Variants in OPHN1 observed in about 807,000 individuals in gnomAD.
The protein encoded by OPHN1 is oligophrenin-1.
OPHN1 carries 11 observed loss-of-function variants against 60.7 expected under a neutral mutation model. That is an observed-to-expected ratio of 0.18 (90% CI 0.11 to 0.30). The LOEUF (loss-of-function observed/expected upper bound fraction) is 0.30, where lower values mean the gene tolerates loss of function less well. Ranked by LOEUF, OPHN1 falls within the 10% of genes least tolerant of loss-of-function variation. OPHN1 has a pLI of 1.00. For missense variants in OPHN1, 449 were observed against 611.0 expected (o/e 0.73, Z 2.80); for synonymous variants, 226 against 222.6 (o/e 1.02, Z -0.14).
At chrX:68,332,109 T>C (rs2078298326) in intron 2 of OPHN1, among the ~76,000 whole-genome samples, 1 of 111,951 alleles carries the variant, frequency 8.9e-6, no homozygotes, top group Admixed American at 9.6e-5. Flanking sequence ...AGAATGTTTA[T>C]CTTGAGGACA....
At chrX:68,072,399 A>G (rs1205041081) in intron 20 of OPHN1, among the ~76,000 whole-genome samples, 1 of 112,122 alleles carries the variant, frequency 8.9e-6, no homozygotes, top group Admixed American at 9.4e-5. Context: ...GGACCTTCTA[A>G]CATGTAAAGT....
intron 2 of OPHN1, among the ~76,000 whole-genome samples, chrX:68,363,310 T>A (rs182850120): frequency 1.8e-4 from 20 of 111,003 alleles, no homozygotes; most frequent in African/African-American, 6.2e-4. Flanking sequence ...TCTATTAACT[T>A]TTTTTTCTTT....
At chrX:68,169,486 C>A (rs1162067960) in intron 15 of OPHN1, among the ~76,000 whole-genome samples, 2 of 109,308 alleles carry the variant, frequency 1.8e-5, no homozygotes, top group East Asian at 2.9e-4. Context: ...AATCCTAAGC[C>A]AAAAGAACAA....
chrX:68,172,110 T>C (rs1379042741), intron 15 of OPHN1, among the ~76,000 whole-genome samples: 1 of 112,017 alleles, frequency 8.9e-6, no homozygotes, highest in African/African-American at 3.2e-5. Context: ...AGAAATTTTA[T>C]TCCCAGGTAC....
chrX:68,233,435 T>C (rs2077737793), intron 6 of OPHN1, among the ~76,000 whole-genome samples: 2 of 112,041 alleles, frequency 1.8e-5, no homozygotes, highest in Admixed American at 1.9e-4. Context: ...GAATCTTTCA[T>C]TGAACATATA....
chrX:68,175,273 A>AT (rs2077409639), intron 15 of OPHN1, among the ~76,000 whole-genome samples: 1 of 111,119 alleles, frequency 9.0e-6, no homozygotes, highest in South Asian at 3.8e-4. Flanking sequence ...CTTTAAGTAT[A>AT]TTTTTTAAAA....
At chrX:68,374,119 A>T (rs1402644191) in intron 2 of OPHN1, among the ~76,000 whole-genome samples, 1 of 110,953 alleles carries the variant, frequency 9.0e-6, no homozygotes, top group Non-Finnish European at 1.9e-5. Context: ...GCACTTTGGG[A>T]GGCCAAGGCG....
chrX:68,056,398 C>G (rs912722566), intron 21 of OPHN1, among the ~76,000 whole-genome samples: 10 of 111,679 alleles, frequency 9.0e-5, no homozygotes, highest in Non-Finnish European at 1.3e-4. Context: ...ATTCATCCAT[C>G]TAGCCATTCT....
At chrX:68,298,957 G>T in intron 3 of OPHN1, 44 bp downstream of exon 3, 1 of 830,127 alleles carries the variant, frequency 1.2e-6, no homozygotes, top group Non-Finnish European at 1.8e-6. Flanking sequence ...ATGGTCTCAG[G>T]GCTGCCTCAA....
chrX:68,283,245 A>G, intron 3 of OPHN1, 128 bp from the exon 4 acceptor site: 1 of 509,959 alleles, frequency 2.0e-6, no homozygotes, highest in Non-Finnish European at 3.4e-6. Context: ...GGAAGGTGTC[A>G]AATCGGAGGA....
intron 5 of OPHN1, among the ~76,000 whole-genome samples, chrX:68,262,300 A>C (rs1417835140): frequency 8.9e-6 from 1 of 112,349 alleles, no homozygotes; most frequent in Non-Finnish European, 1.9e-5. Context: ...AAACATGAGA[A>C]GACTTTTGAT....
At chrX:68,343,486 G>GA (rs1233181390) in intron 2 of OPHN1, among the ~76,000 whole-genome samples, 1 of 106,100 alleles carries the variant, frequency 9.4e-6, no homozygotes, top group African/African-American at 3.4e-5. Context: ...TCTGTCAAAC[G>GA]AAAAAAAAAT....
chrX:68,170,790 G>A (rs1380899102), intron 15 of OPHN1, among the ~76,000 whole-genome samples: 1 of 70,667 alleles, frequency 1.4e-5, no homozygotes, highest in Non-Finnish European at 2.5e-5. Context: ...TGTGGGGTGG[G>A]GGGAGGGGGG....
At chrX:68,427,986 C>T (rs746920547) in intron 2 of OPHN1, among the ~76,000 whole-genome samples, 2 of 111,107 alleles carry the variant, frequency 1.8e-5, no homozygotes, top group Non-Finnish European at 3.8e-5. Context: ...CAAAAATTAG[C>T]TGGGCATGGT....
intron 15 of OPHN1, among the ~76,000 whole-genome samples, chrX:68,183,948 A>G (rs2077450064): frequency 8.9e-6 from 1 of 112,140 alleles, no homozygotes; most frequent in Non-Finnish European, 1.9e-5. Context: ...TCAAATATAA[A>G]GGCATAACAA....
At chrX:68,079,858 CT>C (rs977985170) in intron 19 of OPHN1, among the ~76,000 whole-genome samples, 19 of 111,952 alleles carry the variant, frequency 1.7e-4, no homozygotes, top group Non-Finnish European at 3.0e-4. Context: ...AATCCTCCCC[CT>C]CTCTCACATC....
intron 2 of OPHN1, among the ~76,000 whole-genome samples, chrX:68,404,534 A>C: frequency 9.0e-6 from 1 of 111,670 alleles, no homozygotes; most frequent in Admixed American, 9.6e-5. Context: ...TCAAAGCAGG[A>C]TCTCAAAGGT....
At chrX:68,194,807 A>G (rs975697292) in intron 12 of OPHN1, among the ~76,000 whole-genome samples, 3 of 109,388 alleles carry the variant, frequency 2.7e-5, no homozygotes, top group Non-Finnish European at 3.8e-5. Flanking sequence ...CATCTCTACA[A>G]AAATCCAAAA....
intron 19 of OPHN1, among the ~76,000 whole-genome samples, chrX:68,089,311 G>A (rs917379349): frequency 1.7e-4 from 19 of 111,340 alleles, no homozygotes; most frequent in Non-Finnish European, 3.2e-4. Flanking sequence ...GAGGGGAATG[G>A]ACAATATGAC....
Sources: gnomAD v4.1 joint callset for allele counts (sites outside exome capture counted in the v4.1 genomes callset) on GRCh38, gnomAD v4.1.1 for gene constraint, MANE v1.5 for transcripts, NCBI Gene and HGNC (gene_info 2026-07-23, HGNC 2026-07-21) for gene names.